CNRIP1: variants seen among roughly 807,000 people sequenced by gnomAD.
The protein encoded by CNRIP1 is CB1 cannabinoid receptor-interacting protein 1.
CNRIP1 carries 10 observed loss-of-function variants against 15.2 expected under a neutral mutation model. That is an observed-to-expected ratio of 0.66 (90% CI 0.41 to 1.12). CNRIP1 has a LOEUF of 1.12. Ranked by LOEUF, CNRIP1 falls within the 50% of genes most tolerant of loss-of-function variation. The pLI is 0.00. For missense variants in CNRIP1, 211 were observed against 214.7 expected (o/e 0.98, Z 0.11); for synonymous variants, 91 against 83.2 (o/e 1.09, Z -0.51).
chr2:68,319,367 T>A lies in CNRIP1; in HGVS notation c.34A>T (p.Ile12Phe), dbSNP rs1205283488. ...GDLPGLVRLS[I>F]ALRIQPNDGP... Reference sequence around the variant, plus strand: ...TCATTAGGCTGGATGCGCAGCGCGATGGAGAGGCGCACGAGGCCCGGCAGG... The same window carrying A: ...TCATTAGGCTGGATGCGCAGCGCGAAGGAGAGGCGCACGAGGCCCGGCAGG... Residue 12 changes from isoleucine to phenylalanine, a missense_variant, in exon 1 of 3, where the codon ATC becomes TTC. Transcript: ENST00000263655. 6.3e-7 allele frequency: 1 copy of A among 1,586,558 alleles called. No individual in the cohort carries two copies. The highest frequency in any genetic ancestry group is 8.6e-7 in the Non-Finnish European group (1 of 1,167,736).
chr2:68,284,957 T>A (rs17035183), intron 2 of CNRIP1, among the ~76,000 whole-genome samples: 1 of 152,320 alleles, frequency 6.6e-6, no homozygotes, highest in Admixed American at 6.5e-5. Flanking sequence ...TTTGTTAAAA[T>A]AGCCACTATT....
At chr2:68,294,093 A>C in intron 2 of CNRIP1, 67 bp from the exon 3 acceptor site, 1 of 1,488,256 alleles carries the variant, frequency 6.7e-7, no homozygotes. Flanking sequence ...GAGAGCTAAC[A>C]TTAGTGATGT....
Position 68,317,163 on chromosome 2 carries a change from G to C in CNRIP1, c.324C>G (p.Thr108=), listed in dbSNP as rs781745457. ...KSGERQPIQI[T]MPFTDIGTFE... ...ACCCGCAAGCAAGCCTTACCGGCATGGTGATCTGGATGGGTTGCCGTTCTC... is the reference window on the plus strand; with the variant it reads ...ACCCGCAAGCAAGCCTTACCGGCATCGTGATCTGGATGGGTTGCCGTTCTC... The change falls in exon 2 of 3, where the codon ACC becomes ACG. Residue 108 remains threonine, a synonymous_variant. Coordinates refer to ENST00000263655, the MANE Select transcript of CNRIP1 (RefSeq NM_015463.3). The C allele has an allele frequency of 1.2e-6, 2 of 1,614,198 alleles. No homozygotes were observed. The highest frequency in any genetic ancestry group is 1.7e-6 in the Non-Finnish European group (2 of 1,180,022).
downstream of CNRIP1, among the ~76,000 whole-genome samples, chr2:68,288,960 A>G (rs1671097039): frequency 6.6e-6 from 1 of 152,244 alleles, no homozygotes; most frequent in Admixed American, 6.5e-5. Flanking sequence ...TATTATCACC[A>G]TTTCATAAAT....
chr2:68,288,362 C>T (rs535314039), downstream of CNRIP1, among the ~76,000 whole-genome samples: 5 of 152,028 alleles, frequency 3.3e-5, no homozygotes, highest in Non-Finnish European at 7.4e-5. Flanking sequence ...TGGAGTAGGG[C>T]GTTCCAAGCA....
intron 2 of CNRIP1, among the ~76,000 whole-genome samples, chr2:68,306,999 A>C (rs1295691864): frequency 1.3e-5 from 2 of 152,220 alleles, no homozygotes. Context: ...AAAGTGAAAT[A>C]AGATTCATAA....
chr2:68,308,821 C>T (rs1011615807), intron 2 of CNRIP1, among the ~76,000 whole-genome samples: 1 of 151,810 alleles, frequency 6.6e-6, no homozygotes, highest in Non-Finnish European at 1.5e-5. Context: ...CCCAATAAGA[C>T]AGCACATGAC....
chr2:68,292,940 G>A (rs1385282158), downstream of CNRIP1: 7 of 810,166 alleles, frequency 8.6e-6, no homozygotes, highest in Non-Finnish European at 1.0e-5. Context: ...AGGCCTGAGT[G>A]AAGCTGGCCT....
Position 68,293,200 on chromosome 2 carries a change from C to T in CNRIP1, c.*662G>A, listed in dbSNP as rs1671222981. The T allele has an allele frequency of 2.0e-6, 2 of 985,466 alleles. No individual in the cohort carries two copies. The highest frequency in any genetic ancestry group is 3.5e-5 in the African/African-American group (2 of 57,372). The allele number at this position is 985,466 out of a possible 1,614,324, so 61.0% of individuals were successfully genotyped here. On this transcript the variant is annotated 3_prime_UTR_variant, in exon 3 of 3. Coordinates refer to ENST00000263655, the MANE Select transcript of CNRIP1 (RefSeq NM_015463.3). ...AATGGTCCACAGCAATGCTTTTCCC[C>T]CATTTCTACTAGGCTAGGCCATTGC... is the stretch of plus-strand genomic sequence containing the variant.
At chr2:68,291,604 AGCGTAGT>A (rs1437698113), downstream of CNRIP1, among the ~76,000 whole-genome samples, 17 of 152,228 alleles carry the variant, frequency 1.1e-4, no homozygotes, top group African/African-American at 3.6e-4. Context: ...GTATGGGCCC[AGCGTAGT>A]GGCTCACGCC....
chr2:68,319,193 C>T (rs756496375), intron 1 of CNRIP1, 29 bp downstream of exon 1: 24 of 1,519,048 alleles, frequency 1.6e-5, no homozygotes, highest in South Asian at 7.5e-5. Flanking sequence ...CATGGGGGAC[C>T]CTGCTGCCAC....
intron 2 of CNRIP1, chr2:68,284,584 G>T: frequency 1.5e-6 from 1 of 672,404 alleles, no homozygotes; most frequent in Non-Finnish European, 2.4e-6. Context: ...GGCCAAGGCA[G>T]GCAGATCTCT....
At chr2:68,287,576 C>T (rs1486607806) in intron 2 of CNRIP1, among the ~76,000 whole-genome samples, 1 of 152,228 alleles carries the variant, frequency 6.6e-6, no homozygotes, top group Non-Finnish European at 1.5e-5. Context: ...GCCGTATCTT[C>T]TCACTCCAGG....
intron 2 of CNRIP1, among the ~76,000 whole-genome samples, chr2:68,311,666 T>C (rs1293946676): frequency 3.3e-5 from 5 of 150,830 alleles, no homozygotes; most frequent in Non-Finnish European, 7.4e-5. Flanking sequence ...TCCCAGCTAC[T>C]TGGGAGGCCG....
At chr2:68,303,904 C>G (rs573123770) in intron 2 of CNRIP1, among the ~76,000 whole-genome samples, 40 of 152,222 alleles carry the variant, frequency 2.6e-4, no homozygotes, top group Non-Finnish European at 4.1e-4. Flanking sequence ...TGGTGAAACC[C>G]TGTCTCTACT....
intron 2 of CNRIP1, among the ~76,000 whole-genome samples, chr2:68,298,396 A>G (rs1306823396): frequency 6.6e-6 from 1 of 152,212 alleles, no homozygotes; most frequent in African/African-American, 2.4e-5. Flanking sequence ...AAATCATGCT[A>G]GGTAACAGAG....
At chr2:68,301,432 C>T (rs940869583) in intron 2 of CNRIP1, among the ~76,000 whole-genome samples, 1 of 152,090 alleles carries the variant, frequency 6.6e-6, no homozygotes, top group South Asian at 2.1e-4. Context: ...GGCAAAAGAC[C>T]GAGTGGTTTC....
intron 2 of CNRIP1, among the ~76,000 whole-genome samples, chr2:68,313,457 T>C (rs1672163947): frequency 6.6e-6 from 1 of 152,148 alleles, no homozygotes; most frequent in Admixed American, 6.5e-5. Context: ...AGGGAGAAAT[T>C]ATGGTATATC....
chr2:68,313,146 C>T (rs185200324), intron 2 of CNRIP1, among the ~76,000 whole-genome samples: 10 of 152,174 alleles, frequency 6.6e-5, no homozygotes, highest in Non-Finnish European at 7.4e-5. Flanking sequence ...ATAGATCAAA[C>T]AAGATTGTTT....
Sources: gnomAD v4.1 joint callset for allele counts (sites outside exome capture counted in the v4.1 genomes callset) on GRCh38, gnomAD v4.1.1 for gene constraint, MANE v1.5 for transcripts, NCBI Gene and HGNC (gene_info 2026-07-23, HGNC 2026-07-21) for gene names.